Variants in SDHC observed in about 807,000 individuals in gnomAD.
The protein encoded by SDHC is succinate dehydrogenase cytochrome b560 subunit, mitochondrial.
In SDHC, 11 loss-of-function variants were observed where a neutral mutation model predicts 22.6. The observed-to-expected ratio is 0.49, with a 90% CI of 0.31 to 0.81. The LOEUF (loss-of-function observed/expected upper bound fraction) is 0.81. SDHC is among the 30% of genes least tolerant of loss of function. SDHC has a pLI of 0.05. For missense variants in SDHC, 160 were observed against 212.0 expected (o/e 0.75, Z 1.52); for synonymous variants, 80 against 77.8 (o/e 1.03, Z -0.15).
chr1:161,328,345 T>C (rs1671143133), intron 2 of SDHC, 51 bp from the exon 3 acceptor site: 3 of 1,414,088 alleles, frequency 2.1e-6, no homozygotes, highest in Admixed American at 1.7e-5. Context: ...ATGCAAAATA[T>C]TAAACCAAGT....
chr1:161,340,319 G>A (rs1257815131), intron 3 of SDHC, among the ~76,000 whole-genome samples: 1 of 151,264 alleles, frequency 6.6e-6, no homozygotes. Context: ...GAAAAGACAG[G>A]AATGCAAAAG....
At chr1:161,345,060 A>C (rs184768414) in intron 4 of SDHC, among the ~76,000 whole-genome samples, 1 of 152,336 alleles carries the variant, frequency 6.6e-6, no homozygotes, top group East Asian at 1.9e-4. Flanking sequence ...TGTTCACTTT[A>C]GCACTTAGAT....
At chr1:161,337,837 G>C (rs1671554245) in intron 3 of SDHC, among the ~76,000 whole-genome samples, 1 of 152,112 alleles carries the variant, frequency 6.6e-6, no homozygotes, top group Admixed American at 6.5e-5. Flanking sequence ...AGTGTGTTTG[G>C]AATCTTCCAA....
intron 3 of SDHC, among the ~76,000 whole-genome samples, chr1:161,329,733 A>G (rs1021269241): frequency 6.6e-6 from 1 of 152,250 alleles, no homozygotes; most frequent in Admixed American, 6.5e-5. Flanking sequence ...TAGAAGTACA[A>G]CACAGGTCTC....
intron 4 of SDHC, among the ~76,000 whole-genome samples, chr1:161,355,279 C>T (rs565140748): frequency 6.6e-6 from 1 of 152,102 alleles, no homozygotes; most frequent in Non-Finnish European, 1.5e-5. Flanking sequence ...ATTTATCGTC[C>T]TTGGAAAGAT....
intron 3 of SDHC, among the ~76,000 whole-genome samples, chr1:161,330,939 A>T (rs916787832): frequency 1.0e-4 from 15 of 149,596 alleles, no homozygotes; most frequent in South Asian, 2.1e-4. Flanking sequence ...TGGAGGTTGC[A>T]GTGAGCCGAG....
intron 1 of SDHC, among the ~76,000 whole-genome samples, chr1:161,317,441 G>A (rs1228603802): frequency 1.3e-5 from 2 of 151,090 alleles, no homozygotes; most frequent in Admixed American, 1.3e-4. Flanking sequence ...TGTGTACCTT[G>A]TGGAGCTATT....
intron 4 of SDHC, among the ~76,000 whole-genome samples, chr1:161,355,154 A>G (rs1233893146): frequency 6.6e-6 from 1 of 152,224 alleles, no homozygotes; most frequent in Non-Finnish European, 1.5e-5. Flanking sequence ...CACATAGGGA[A>G]ATAATCTTCC....
At chr1:161,322,109 A>G (rs1455958367) in intron 1 of SDHC, among the ~76,000 whole-genome samples, 1 of 152,218 alleles carries the variant, frequency 6.6e-6, no homozygotes, top group Non-Finnish European at 1.5e-5. Context: ...TTAACTGGTT[A>G]CATGTCACTA....
intron 4 of SDHC, among the ~76,000 whole-genome samples, chr1:161,348,825 G>A (rs151086489): frequency 0.078 from 11,794 of 151,670 alleles, 513 homozygotes; most frequent in South Asian, 0.16. Flanking sequence ...GTGACAGAGC[G>A]AGACTCTGTC....
At position 161,353,822 on chromosome 1, in the gene SDHC, A is replaced by C. The variant is rs187720877; in HGVS notation, c.242-2855A>C. Among the ~76,000 whole-genome samples the C allele has an allele frequency of 3.0e-3, 461 of 152,300 alleles. 4 individuals carry two copies. Among genetic ancestry groups the C allele is most frequent in the African/African-American group, 0.01 (430 of 41,562 alleles). On this transcript the variant is annotated intron_variant, in intron 4 of 5. Coordinates refer to ENST00000367975, the MANE Select transcript of SDHC (RefSeq NM_003001.5). ...ACATAGCAAGACCCCGTCTCTATGAAAAACAAAAGCAAAAACAAAATCATC... is the reference window on the plus strand; with the variant it reads ...ACATAGCAAGACCCCGTCTCTATGACAAACAAAAGCAAAAACAAAATCATC...
intron 1 of SDHC, among the ~76,000 whole-genome samples, chr1:161,318,044 C>T (rs1349443271): frequency 4.0e-5 from 6 of 151,720 alleles, no homozygotes; most frequent in East Asian, 2.0e-4. Flanking sequence ...TGATGGTGCG[C>T]GCCTGTCGTC....
In SDHC at chr1:161,323,633, C is replaced by G; in HGVS notation, c.40C>G (p.Leu14Val). 6.2e-7 allele frequency: 1 copy of G among 1,613,720 alleles called. No individual in the cohort carries two copies. Among genetic ancestry groups the G allele is most frequent in the East Asian group, 2.2e-5 (1 of 44,886 alleles). ...LLLRHVGRHC[L>V]RAHFSPQLCI... is the part of the protein sequence containing the mutation. The stretch of plus-strand genomic sequence containing the variant: ...TTGCAGACACGTTGGTCGTCATTGC[C>G]TCCGAGCCCACTTTAGCCCTCAGCT... The change falls in exon 2 of 6, where the codon CTC becomes GTC. Residue 14 changes from leucine to valine, a missense_variant. Coordinates refer to ENST00000367975, the MANE Select transcript of SDHC (RefSeq NM_003001.5).
In SDHC at chr1:161,354,859, G is replaced by A. The variant is rs546039798; in HGVS notation, c.242-1818G>A. On this transcript the variant is annotated intron_variant, in intron 4 of 5. Transcript: ENST00000367975. ...TGAGTAGCTGGGACTACAGGTGTGC[G>A]CCACCACAACTGGCTCATTTTTGTA... 7.2e-5 allele frequency among the ~76,000 whole-genome samples: 11 copies of A among 151,782 alleles called. No homozygotes were observed. The South Asian group carries it at 8.3e-4, about 11-fold the overall frequency.
At chr1:161,349,210 C>A (rs1047331947) in intron 4 of SDHC, among the ~76,000 whole-genome samples, 1 of 152,146 alleles carries the variant, frequency 6.6e-6, no homozygotes, top group East Asian at 1.9e-4. Flanking sequence ...CGCTTGTAAA[C>A]CCCGCACTTT....
chr1:161,329,206 A>C (rs1558167770), intron 3 of SDHC, among the ~76,000 whole-genome samples: 1 of 151,518 alleles, frequency 6.6e-6, no homozygotes, highest in South Asian at 2.1e-4. Context: ...ATGCCCGGCC[A>C]CAACTTCTTA....
At chr1:161,361,842 C>CA (rs35337467) in intron 5 of SDHC, among the ~76,000 whole-genome samples, 2,864 of 53,798 alleles carry the variant, frequency 0.053, 179 homozygotes, top group African/African-American at 0.13. Flanking sequence ...GAGTCCGTCT[C>CA]AAAAAAAAAA....
chr1:161,336,044 A>G (rs1025615226), intron 3 of SDHC, among the ~76,000 whole-genome samples: 1 of 152,146 alleles, frequency 6.6e-6, no homozygotes, highest in Admixed American at 6.6e-5. Flanking sequence ...GTTTTTTTCC[A>G]AGCCAGATTC....
At chr1:161,356,978 T>G in intron 5 of SDHC, 138 bp downstream of exon 5, 2 of 857,370 alleles carry the variant, frequency 2.3e-6, no homozygotes, top group Non-Finnish European at 3.8e-6. Context: ...TTGCCCAGGC[T>G]GGAGTGCAGT....
Sources: gnomAD v4.1 joint callset for allele counts (sites outside exome capture counted in the v4.1 genomes callset) on GRCh38, gnomAD v4.1.1 for gene constraint, MANE v1.5 for transcripts, NCBI Gene and HGNC (gene_info 2026-07-23, HGNC 2026-07-21) for gene names.